Variants in PANX1 observed in about 807,000 individuals in gnomAD.
PANX1 encodes the protein pannexin-1.
In PANX1, 30 loss-of-function variants were observed where a neutral mutation model predicts 38.7. That is an observed-to-expected ratio of 0.78 (90% CI 0.58 to 1.05). The LOEUF is 1.05. Among genes scored for constraint, PANX1 ranks in the 50% least tolerant of loss-of-function variants. The pLI is 0.00. For missense variants in PANX1, 551 were observed against 517.2 expected, an observed-to-expected ratio of 1.07 and a Z score of -0.63; for synonymous variants, 230 against 212.2, an observed-to-expected ratio of 1.08 and a Z score of -0.73.
intron 2 of PANX1, among the ~76,000 whole-genome samples, chr11:94,154,179 A>G (rs554879485): frequency 6.6e-6 from 1 of 152,252 alleles, no homozygotes; most frequent in South Asian, 2.1e-4. Flanking sequence ...TTGCTTTTTG[A>G]TAGATCCAGA....
intron 1 of PANX1, 25 bp downstream of exon 1, chr11:94,129,518 G>T: frequency 6.3e-7 from 1 of 1,586,304 alleles, no homozygotes; most frequent in Non-Finnish European, 8.6e-7. Context: ...GGACGGAGGG[G>T]AGTGGCCGCC....
At chr11:94,129,777 ACCTTGC>A (rs1946605538) in intron 1 of PANX1, among the ~76,000 whole-genome samples, 1 of 152,024 alleles carries the variant, frequency 6.6e-6, no homozygotes, top group Non-Finnish European at 1.5e-5. Context: ...TAGAACTGGC[ACCTTGC>A]CACCAGATTT....
At chr11:94,158,217 A>C (rs545210199) in intron 2 of PANX1, among the ~76,000 whole-genome samples, 5 of 152,132 alleles carry the variant, frequency 3.3e-5, no homozygotes, top group South Asian at 2.1e-4. Flanking sequence ...CTTAGGATTG[A>C]CTTGGCGATG....
rs897623792 is a variant in PANX1, at chr11:94,148,599, A to G, written c.182-4892A>G. Among the ~76,000 whole-genome samples, 6 of 152,230 alleles carry G rather than the reference A, an allele frequency of 3.9e-5. No individual in the cohort carries two copies. The South Asian group carries it at 1.2e-3, about 32-fold the overall frequency. ...ATAATAGTTTTCAGATCTTTTGGCA[A>G]CCTTAAAATATAGCCAGACCTTTCA... On this transcript the variant is annotated intron_variant, in intron 1 of 4. Coordinates refer to ENST00000227638, the MANE Select transcript of PANX1 (RefSeq NM_015368.4).
intron 2 of PANX1, among the ~76,000 whole-genome samples, chr11:94,160,336 C>T (rs1947010308): frequency 6.6e-6 from 1 of 152,174 alleles, no homozygotes; most frequent in Admixed American, 6.5e-5. Flanking sequence ...GTGTTAAAGT[C>T]TCCCATTATT....
chr11:94,130,879 A>T (rs1565370461), intron 1 of PANX1, among the ~76,000 whole-genome samples: 2 of 152,202 alleles, frequency 1.3e-5, no homozygotes, highest in Non-Finnish European at 2.9e-5. Context: ...TGATTTTGCA[A>T]TCTGCAGCAC....
intron 1 of PANX1, among the ~76,000 whole-genome samples, chr11:94,134,462 T>G (rs537258628): frequency 6.6e-6 from 1 of 152,304 alleles, no homozygotes; most frequent in Middle Eastern, 3.4e-3. Flanking sequence ...GTGCTGCAGT[T>G]ATGGACTGAA....
chr11:94,176,273 TA>T (rs1388816137), intron 2 of PANX1, among the ~76,000 whole-genome samples: 2 of 151,648 alleles, frequency 1.3e-5, no homozygotes, highest in African/African-American at 4.9e-5. Flanking sequence ...ATCAGTGCTC[TA>T]TTTCCTTTGT....
At position 94,178,582 on chromosome 11, in the gene PANX1, T is replaced by G. The variant is rs749475691; in HGVS notation, c.535T>G (p.Leu179Val). The G allele has an allele frequency of 6.2e-7, 1 of 1,613,286 alleles. No individual in the cohort carries two copies. ...CTCAGTTCCAGGTGTTACCGAGAAC[T>G]TAGGGCAAAGGTAACTTAGCCCCAG... is the stretch of plus-strand genomic sequence containing the variant. ...ACSVPGVTEN[L>V]GQSLWEVSES... The change falls in exon 3 of 5, where the codon TTA (leucine) becomes GTA (valine). Residue 179 changes from leucine (L) to valine (V), a missense_variant. Coordinates refer to ENST00000227638, the MANE Select transcript of PANX1 (RefSeq NM_015368.4).
Position 94,129,063 on chromosome 11 carries a change from A to C in PANX1, c.-250A>C. 1 of 382,824 alleles carries C rather than the reference A, an allele frequency of 2.6e-6. No homozygotes were observed. Among genetic ancestry groups the C allele is most frequent in the Non-Finnish European group, 4.7e-6 (1 of 214,712 alleles). 23.7% of individuals were successfully genotyped at this position (382,824 alleles called of 1,614,324 possible). A position where few individuals can be genotyped will look rare whatever the true frequency, so the allele number is the denominator to read the frequency against. ...GACTTGCACGGGCGTGCGGGGTGGA[A>C]CCGCAGGAAGCGGAGCTCTCGGGTT... On this transcript the variant is annotated 5_prime_UTR_variant, in exon 1 of 5. Coordinates refer to ENST00000227638, the MANE Select transcript of PANX1 (RefSeq NM_015368.4).
At chr11:94,140,318 G>T (rs969103692) in intron 1 of PANX1, among the ~76,000 whole-genome samples, 1 of 152,190 alleles carries the variant, frequency 6.6e-6, no homozygotes, top group African/African-American at 2.4e-5. Context: ...TATATATGTC[G>T]AAGTTCAGAC....
Position 94,181,082 on chromosome 11 carries a change from T to C in PANX1, c.*213T>C, listed in dbSNP as rs1176337972. The C allele has an allele frequency of 3.7e-6, 2 of 547,668 alleles. No homozygotes were observed. Among genetic ancestry groups the C allele is most frequent in the African/African-American group, 3.8e-5 (2 of 52,948 alleles). The allele number at this position is 547,668 out of a possible 1,614,324, so 33.9% of individuals were successfully genotyped here. ...CTTCCCATAGGAAGCACCTGAGAGA[T>C]AGTAAACTGCAGCAAGTAACTATGT... On this transcript the variant is annotated 3_prime_UTR_variant, in exon 5 of 5. Coordinates refer to ENST00000227638, the MANE Select transcript of PANX1 (RefSeq NM_015368.4).
chr11:94,162,612 C>G (rs1467413569), intron 2 of PANX1, among the ~76,000 whole-genome samples: 1 of 152,200 alleles, frequency 6.6e-6, no homozygotes, highest in Non-Finnish European at 1.5e-5. Flanking sequence ...CAGGTGCCAT[C>G]TTTCACCCCT....
chr11:94,181,331 C>A lies in PANX1; in HGVS notation c.*462C>A. ...TTATGTGCCCTTAAAGACTGTTAGA[C>A]AAGAAAAGCATTCACTGGCTAATAA... On this transcript the variant is annotated 3_prime_UTR_variant, in exon 5 of 5. Coordinates refer to ENST00000227638, the MANE Select transcript of PANX1 (RefSeq NM_015368.4). The A allele has an allele frequency of 6.4e-6, 1 of 155,850 alleles. No individual in the cohort carries two copies. The highest frequency in any genetic ancestry group is 6.2e-5 in the Admixed American group (1 of 16,022). The allele number at this position is 155,850 out of a possible 1,614,324, so 9.7% of individuals were successfully genotyped here. A position where few individuals can be genotyped will look rare whatever the true frequency, so the allele number is the denominator to read the frequency against.
At chr11:94,143,824 C>G (rs188486977) in intron 1 of PANX1, among the ~76,000 whole-genome samples, 1 of 151,850 alleles carries the variant, frequency 6.6e-6, no homozygotes, top group Non-Finnish European at 1.5e-5. Flanking sequence ...ACACGGCTCA[C>G]TGCAGCCTTG....
At chr11:94,137,419 T>TGGTTGCTTTCTTG (rs1203394859) in intron 1 of PANX1, among the ~76,000 whole-genome samples, 2 of 152,194 alleles carry the variant, frequency 1.3e-5, no homozygotes, top group African/African-American at 4.8e-5. Context: ...TTTCTGCAGC[T>TGGTTGCTTTCTTG]GGTTGCTTTC....
intron 1 of PANX1, among the ~76,000 whole-genome samples, chr11:94,142,787 C>T (rs898950308): frequency 6.6e-6 from 1 of 152,242 alleles, no homozygotes; most frequent in East Asian, 1.9e-4. Context: ...AAGCGCCACA[C>T]AGTTGAGCTG....
At chr11:94,156,127 T>C (rs1946946382) in intron 2 of PANX1, among the ~76,000 whole-genome samples, 1 of 152,210 alleles carries the variant, frequency 6.6e-6, no homozygotes, top group African/African-American at 2.4e-5. Context: ...AAAGATTTTT[T>C]ATCCAGATGT....
At position 94,180,821 on chromosome 11, in the gene PANX1, T is replaced by C. The variant is rs1371324908; in HGVS notation, c.1233T>C (p.Asn411=). The change falls in exon 5 of 5, where the codon AAT becomes AAC. Residue 411 remains asparagine, a synonymous_variant. Transcript: ENST00000227638. ...ACATAGACAGTGAAACTAAAGCAAA[T>C]AATGGAGAGAAGAATGCCCGACAGA... ...GMNIDSETKA[N]NGEKNARQRL... 6.3e-7 allele frequency: 1 copy of C among 1,586,352 alleles called. No homozygotes were observed. Among genetic ancestry groups the C allele is most frequent in the Non-Finnish European group, 8.7e-7 (1 of 1,154,866 alleles).
Sources: gnomAD v4.1 joint callset for allele counts (sites outside exome capture counted in the v4.1 genomes callset) on GRCh38, gnomAD v4.1.1 for gene constraint, MANE v1.5 for transcripts, NCBI Gene and HGNC (gene_info 2026-07-23, HGNC 2026-07-21) for gene names.